Variants in NIPAL1 observed in about 807,000 individuals in gnomAD.
The protein encoded by NIPAL1 is magnesium transporter NIPA3.
Under a neutral mutation model 37.7 loss-of-function variants are expected in NIPAL1, and 35 were observed. The observed-to-expected ratio is 0.93, with a 90% CI of 0.71 to 1.23. NIPAL1 has a LOEUF of 1.23. Among genes scored for constraint, NIPAL1 ranks in the 50% most tolerant of loss-of-function variants. The pLI, the probability that NIPAL1 is intolerant of heterozygous loss-of-function variation, is 0.00. For synonymous variants in NIPAL1, 162 were observed against 183.0 expected (o/e 0.89, Z 0.93); for missense variants, 412 against 473.9 (o/e 0.87, Z 1.21).
intron 1 of NIPAL1, among the ~76,000 whole-genome samples, chr4:48,019,164 C>T (rs2109364519): frequency 6.6e-6 from 1 of 152,286 alleles, no homozygotes; most frequent in African/African-American, 2.4e-5. Flanking sequence ...AATACAGGCA[C>T]ATGCCACCAT....
At chr4:48,017,734 GGT>G (rs1180094675) in intron 1 of NIPAL1, among the ~76,000 whole-genome samples, 1 of 152,016 alleles carries the variant, frequency 6.6e-6, no homozygotes, top group African/African-American at 2.4e-5. Flanking sequence ...TTGAAATGAT[GGT>G]TTTCGCCGTA....
At chr4:48,020,368 C>T (rs1310434782) in intron 1 of NIPAL1, among the ~76,000 whole-genome samples, 6 of 152,210 alleles carry the variant, frequency 3.9e-5, no homozygotes, top group Admixed American at 6.5e-5. Context: ...CACTGGTTAG[C>T]GTTTGGAGAA....
At chr4:48,021,350 A>G (rs542560742) in intron 1 of NIPAL1, among the ~76,000 whole-genome samples, 12 of 152,344 alleles carry the variant, frequency 7.9e-5, no homozygotes, top group Middle Eastern at 6.8e-3. Context: ...ACCAAGAGCC[A>G]TTACTCAACT....
In NIPAL1 at chr4:48,025,058, T is replaced by A; in HGVS notation, c.47-10T>A. ...TCATTCCTGACATTCTCTTCTTTCC[T>A]TTTTTCCAGGATATGTGCTGTCTCT... On this transcript the variant is annotated splice_polypyrimidine_tract_variant and intron_variant, in intron 1 of 5. Transcript: ENST00000295461. 1 of 1,608,926 alleles carries A rather than the reference T, an allele frequency of 6.2e-7. No homozygotes were observed. The highest frequency in any genetic ancestry group is 8.5e-7 in the Non-Finnish European group (1 of 1,176,474).
rs572847865 is a variant in NIPAL1 at position 48,038,119 on chromosome 4, A to G, written c.*1947A>G. The stretch of plus-strand genomic sequence containing the variant: ...TATTAAACAATGACTGATGTTCACA[A>G]TGACAACCTACCTGAGATGGCTGCA... On this transcript the variant is annotated 3_prime_UTR_variant, in exon 6 of 6. Transcript: ENST00000295461. 2.4e-4 allele frequency: 37 copies of G among 152,312 alleles called. No homozygotes were observed. The highest frequency in any genetic ancestry group is 8.7e-4 in the African/African-American group (36 of 41,568). 9.4% of individuals were successfully genotyped at this position (152,312 alleles called of 1,614,324 possible).
At position 48,035,909 on chromosome 4, in the gene NIPAL1, A is replaced by T; in HGVS notation, c.970A>T (p.Ile324Phe). The T allele has an allele frequency of 6.2e-7, 1 of 1,613,894 alleles. No homozygotes were observed. The highest frequency in any genetic ancestry group is 8.5e-7 in the Non-Finnish European group (1 of 1,179,904). ...FTSMVVTCSA[I>F]LFQEWYGMTA... The stretch of plus-strand genomic sequence containing the variant: ...ATCCATGGTAGTGACTTGCTCTGCC[A>T]TCTTATTCCAAGAGTGGTATGGCAT... Residue 324 changes from isoleucine (I) to phenylalanine (F), a missense_variant, in exon 6 of 6, where the codon ATC (isoleucine) becomes TTC (phenylalanine). Coordinates refer to ENST00000295461, the MANE Select transcript of NIPAL1 (RefSeq NM_207330.3).
intron 1 of NIPAL1, among the ~76,000 whole-genome samples, chr4:48,023,876 A>G (rs1715626469): frequency 6.6e-6 from 1 of 152,196 alleles, no homozygotes; most frequent in Admixed American, 6.5e-5. Context: ...CAACTAAACT[A>G]GAAAACTAAA....
In NIPAL1 at chr4:48,035,662, A is replaced by C; in HGVS notation, c.723A>C (p.Ser241=). The C allele has an allele frequency of 1.9e-6, 3 of 1,613,914 alleles. No individual in the cohort carries two copies. Among genetic ancestry groups the C allele is most frequent in the Non-Finnish European group, 2.5e-6 (3 of 1,179,936 alleles). The change falls in exon 6 of 6, where the codon TCA becomes TCC. Residue 241 remains serine, a synonymous_variant. Coordinates refer to ENST00000295461, the MANE Select transcript of NIPAL1 (RefSeq NM_207330.3). ...KGQTNILVYI[S]ICSLIGAFSV... is the part of the protein sequence containing the mutation. ...AGACCAATATATTGGTTTATATTTC[A>C]ATCTGTTCCTTGATTGGAGCGTTTT...
chr4:48,036,064 C>T lies in NIPAL1; in HGVS notation c.1125C>T (p.Ala375=), dbSNP rs368067142. ...TTACATCCACTGCTAAGAAAGAAGCCGTCTCTCTGAATGTCAATGAAAACA... is the reference window on the plus strand; with the variant it reads ...TTACATCCACTGCTAAGAAAGAAGCTGTCTCTCTGAATGTCAATGAAAACA... The part of the protein sequence containing the change: ...SELTSTAKKE[A]VSLNVNENNY... Residue 375 remains alanine (A), a synonymous_variant, in exon 6 of 6, where the codon GCC becomes GCT. Transcript: ENST00000295461. 2.0e-5 allele frequency: 32 copies of T among 1,609,940 alleles called. No individual in the cohort carries two copies. Among genetic ancestry groups the T allele is most frequent in the Admixed American group, 1.5e-4 (9 of 58,394 alleles).
rs1429047612 is a variant in NIPAL1, at chr4:48,027,562, A to C, written c.313+2228A>C. On this transcript the variant is annotated intron_variant, in intron 2 of 5. Transcript: ENST00000295461. The surrounding 1 kb of genome is among the most constrained non-coding windows in gnomAD (Gnocchi z 4.1). Reference sequence around the variant, plus strand: ...CCAATTTCTTAAGAAGAAAGTCCTAAATAAGCACAGTTAACTACTTTGCAA... The same window carrying C: ...CCAATTTCTTAAGAAGAAAGTCCTACATAAGCACAGTTAACTACTTTGCAA... Among the ~76,000 whole-genome samples the C allele has an allele frequency of 2.6e-5, 4 of 152,218 alleles. No individual in the cohort carries two copies. The highest frequency in any genetic ancestry group is 5.9e-5 in the Non-Finnish European group (4 of 68,026).
intron 2 of NIPAL1, among the ~76,000 whole-genome samples, chr4:48,025,918 C>A (rs193168379): frequency 4.9e-4 from 74 of 152,216 alleles, no homozygotes; most frequent in African/African-American, 1.7e-3. Flanking sequence ...CTTCCCATTG[C>A]GTGGAACCCT....
chr4:48,034,098 G>A (rs1715874799), intron 4 of NIPAL1, among the ~76,000 whole-genome samples: 1 of 152,168 alleles, frequency 6.6e-6, no homozygotes, highest in Non-Finnish European at 1.5e-5. Context: ...GAGGAAGGAG[G>A]CTGGCTTGCA....
At position 48,033,021 on chromosome 4, in the gene NIPAL1, T is replaced by C. The variant is rs1715855833; in HGVS notation, c.399T>C (p.Ala133=). The stretch of plus-strand genomic sequence containing the variant: ...GAGCAGGAGAGGCTGCAAATTTTGC[T>C]GCTTATGCTTTTGCACCTGCCACCT... The part of the protein sequence containing the change: ...SMGAGEAANF[A]AYAFAPATLV... Residue 133 remains alanine (A), a synonymous_variant, in exon 4 of 6, where the codon GCT becomes GCC. Transcript: ENST00000295461. 1.9e-6 allele frequency: 3 copies of C among 1,614,026 alleles called. No homozygotes were observed. Among genetic ancestry groups the C allele is most frequent in the Non-Finnish European group, 2.5e-6 (3 of 1,179,888 alleles).
chr4:48,030,794 C>A (rs1715803720), intron 3 of NIPAL1, among the ~76,000 whole-genome samples: 1 of 152,208 alleles, frequency 6.6e-6, no homozygotes, highest in African/African-American at 2.4e-5. Flanking sequence ...AGTCTCCCCA[C>A]TAAGTGAAAT....
chr4:48,030,529 T>C (rs1438926337), intron 3 of NIPAL1, among the ~76,000 whole-genome samples: 2 of 152,170 alleles, frequency 1.3e-5, no homozygotes, highest in Non-Finnish European at 2.9e-5. Flanking sequence ...TTAGAACAAC[T>C]ATTGTAGCTG....
chr4:48,017,112 G>A (rs1715436560), intron 1 of NIPAL1, among the ~76,000 whole-genome samples: 3 of 152,358 alleles, frequency 2.0e-5, no homozygotes, highest in South Asian at 2.1e-4. Flanking sequence ...AGTGGAATAA[G>A]GCAGGTGGGA....
chr4:48,021,185 TCTC>T (rs1353721317), intron 1 of NIPAL1, among the ~76,000 whole-genome samples: 13 of 152,184 alleles, frequency 8.5e-5, no homozygotes, highest in African/African-American at 3.1e-4. Context: ...TTAAAATATC[TCTC>T]CTCTATCAGT....
chr4:48,034,224 C>T lies in NIPAL1; in HGVS notation c.462-657C>T, dbSNP rs77009192. Among the ~76,000 whole-genome samples the T allele has an allele frequency of 2.4e-3, 367 of 152,338 alleles. 3 individuals are homozygous for T. The highest frequency in any genetic ancestry group is 4.4e-3 in the Non-Finnish European group (301 of 68,032). On this transcript the variant is annotated intron_variant, in intron 4 of 5. Coordinates refer to ENST00000295461, the MANE Select transcript of NIPAL1 (RefSeq NM_207330.3). ...AAGTCTGTATCAAGCTTCTCCAACC[C>T]ATGGCCCATGGGCTGCATGTGGCCC...
At position 48,036,199 on chromosome 4, in the gene NIPAL1, C is replaced by A; in HGVS notation, c.*27C>A. ...GTCTCTAGAAACACTGAGTTTTAAC[C>A]AATATGAGACACACGAAGAGGAAAA... On this transcript the variant is annotated 3_prime_UTR_variant, in exon 6 of 6. Coordinates refer to ENST00000295461, the MANE Select transcript of NIPAL1 (RefSeq NM_207330.3). 2 of 1,552,910 alleles carry A rather than the reference C, an allele frequency of 1.3e-6. No individual in the cohort carries two copies. The highest frequency in any genetic ancestry group is 2.5e-5 in the South Asian group (2 of 78,998).
Sources: gnomAD v4.1 joint callset for allele counts (sites outside exome capture counted in the v4.1 genomes callset) on GRCh38, gnomAD v4.1.1 for gene constraint, Gnocchi (gnomAD v3.1) non-coding constraint, MANE v1.5 for transcripts, NCBI Gene and HGNC (gene_info 2026-07-23, HGNC 2026-07-21) for gene names.